The following CREB1 variants were observed in gnomAD, a reference collection of about 807,000 sequenced individuals.
CREB1 encodes the protein cAMP responsive element binding protein 1.
A neutral mutation model predicts 42.0 loss-of-function variants in CREB1; 2 were observed. The ratio of observed to expected loss-of-function variants is 0.05; its 90% CI spans 0.02 to 0.15. The LOEUF is 0.15. Among genes scored for constraint, CREB1 ranks in the 10% least tolerant of loss-of-function variants. The pLI, the probability that CREB1 is intolerant of heterozygous loss-of-function variation, is 1.00. For missense variants in CREB1, 199 were observed against 388.9 expected, an observed-to-expected ratio of 0.51 and a Z score of 4.11; for synonymous variants, 123 against 139.9, an observed-to-expected ratio of 0.88 and a Z score of 0.85.
intron 7 of CREB1, among the ~76,000 whole-genome samples, chr2:207,593,719 CTTTTTT>C (rs5838079): frequency 2.9e-5 from 3 of 102,676 alleles, no homozygotes; most frequent in Admixed American, 1.0e-4. Context: ...TCCTCACAAA[CTTTTTT>C]TTTTTTTTTT....
intron 3 of CREB1, 38 bp downstream of exon 3, chr2:207,560,410 T>A: frequency 6.3e-7 from 1 of 1,591,682 alleles, no homozygotes; most frequent in Non-Finnish European, 8.6e-7. Context: ...TTTTAATAAC[T>A]TTTGTTTATA....
rs1322348701 is a variant in CREB1, at chr2:207,600,711, T to TGAA, written c.*3654_*3656dup. The TGAA allele has an allele frequency of 4.7e-6, 1 of 211,846 alleles. No individual in the cohort carries two copies. Among genetic ancestry groups the TGAA allele is most frequent in the Non-Finnish European group, 9.6e-6 (1 of 104,602 alleles). The allele number at this position is 211,846 out of a possible 1,614,324, so 13.1% of individuals were successfully genotyped here. On this transcript the variant is annotated 3_prime_UTR_variant, in exon 8 of 8. Coordinates refer to ENST00000353267, the MANE Select transcript of CREB1 (RefSeq NM_004379.5). ...GTAGGTCAGCAGCAGTGCTAGTCTC[T>TGAA]GAAAGCACAATACCAGTCAGGCAGC...
Position 207,570,042 on chromosome 2 carries a change from A to AC in CREB1, c.363-137_363-136insC, listed in dbSNP as rs2106540926. 2.7e-4 allele frequency: 80 copies of AC among 292,636 alleles called. No homozygotes were observed. In the East Asian group the frequency reaches 6.5e-3, roughly 24 times the overall value. 18.1% of individuals were successfully genotyped at this position (292,636 alleles called of 1,614,324 possible). On this transcript the variant is annotated intron_variant, in intron 4 of 7. Coordinates refer to ENST00000353267, the MANE Select transcript of CREB1 (RefSeq NM_004379.5). ...GGCGACAGAGCAAGACTCCATCTCA[A>AC]AAAAAAAAAAAAAAAAAAAACCTTC...
In CREB1 at chr2:207,598,486, TAA is replaced by T. The variant is rs143222694; in HGVS notation, c.*1443_*1444del. 128,359 of 169,002 alleles carry T rather than the reference TAA, an allele frequency of 0.76. 47,479 individuals carry two copies. The highest frequency in any genetic ancestry group is 0.9 in the South Asian group (4,372 of 4,850). 10.5% of individuals were successfully genotyped at this position (169,002 alleles called of 1,614,324 possible). Reference sequence around the variant, plus strand: ...GCTCGATAAATCTAACAGTTACTCTTAAAAAAAAAAAAAAAAGACTAAGGTGG... The same window carrying T: ...GCTCGATAAATCTAACAGTTACTCTTAAAAAAAAAAAAAAGACTAAGGTGG... On this transcript the variant is annotated 3_prime_UTR_variant, in exon 8 of 8. Transcript: ENST00000353267.
At chr2:207,581,709 G>A in intron 7 of CREB1, 1 of 594,340 alleles carries the variant, frequency 1.7e-6, no homozygotes, top group Non-Finnish European at 3.0e-6. Flanking sequence ...TACATAACCA[G>A]GGTACATTTA....
At chr2:207,595,747 T>C (rs1271267190) in intron 7 of CREB1, among the ~76,000 whole-genome samples, 2 of 152,110 alleles carry the variant, frequency 1.3e-5, no homozygotes, top group African/African-American at 2.4e-5. Context: ...TAAAAATTTT[T>C]TTTTAGAGAC....
chr2:207,558,117 T>C (rs757034248), intron 2 of CREB1, among the ~76,000 whole-genome samples: 14 of 152,210 alleles, frequency 9.2e-5, no homozygotes, highest in Non-Finnish European at 2.1e-4. Context: ...GCAAGATTTA[T>C]AGTGGCCAGA....
At position 207,582,095 on chromosome 2, in the gene CREB1, T is replaced by G. The variant is rs527808651; in HGVS notation, c.839+4440T>G. 89 of 702,828 alleles carry G rather than the reference T, an allele frequency of 1.3e-4. No homozygotes were observed. The African/African-American group carries it at 1.4e-3, about 11-fold the overall frequency. 43.5% of individuals were successfully genotyped at this position (702,828 alleles called of 1,614,324 possible). On this transcript the variant is annotated intron_variant, in intron 7 of 7. Coordinates refer to ENST00000353267, the MANE Select transcript of CREB1 (RefSeq NM_004379.5). ...TAAAGTGCTGTCCAGGTGTCTCCACTGTTGAGCTACCATTTTTCTCTTTGT... is the reference window on the plus strand; with the variant it reads ...TAAAGTGCTGTCCAGGTGTCTCCACGGTTGAGCTACCATTTTTCTCTTTGT...
Position 207,570,287 on chromosome 2 carries a change from A to C in CREB1, c.471A>C (p.Pro157=). 6.2e-7 allele frequency: 1 copy of C among 1,613,260 alleles called. No homozygotes were observed. Among genetic ancestry groups the C allele is most frequent in the African/African-American group, 1.3e-5 (1 of 75,026 alleles). ...CTGCCATCACCACTGTAACGGTGCCAACTCCAATTTACCAAACTAGCAGTG... is the reference window on the plus strand; with the variant it reads ...CTGCCATCACCACTGTAACGGTGCCCACTCCAATTTACCAAACTAGCAGTG... ...SAPAITTVTV[P]TPIYQTSSGQ... is the part of the protein sequence containing the mutation. The change falls in exon 5 of 8, where the codon CCA becomes CCC. Residue 157 remains proline, a synonymous_variant. Transcript: ENST00000353267.
chr2:207,564,427 T>C (rs1310953391), intron 3 of CREB1, among the ~76,000 whole-genome samples: 1 of 151,986 alleles, frequency 6.6e-6, no homozygotes, highest in Non-Finnish European at 1.5e-5. Context: ...GAGGATCCCT[T>C]GAGCCCATGA....
Position 207,604,726 on chromosome 2 carries a change from G to T in CREB1, c.*7668G>T, listed in dbSNP as rs1444498586. On this transcript the variant is annotated 3_prime_UTR_variant, in exon 8 of 8. Coordinates refer to ENST00000353267, the MANE Select transcript of CREB1 (RefSeq NM_004379.5). ...CTCATCACTCCAAAAGTAAAGTCCC[G>T]TTACTCTCCATTTTCTCCTCCCACC... is the stretch of plus-strand genomic sequence containing the variant. Among the ~76,000 whole-genome samples the T allele has an allele frequency of 6.6e-6, 1 of 152,062 alleles. No individual in the cohort carries two copies. Among genetic ancestry groups the T allele is most frequent in the African/African-American group, 2.4e-5 (1 of 41,416 alleles).
intron 2 of CREB1, 93 bp from the exon 3 acceptor site, chr2:207,560,133 C>T (rs1352611798): frequency 1.1e-5 from 13 of 1,184,830 alleles, no homozygotes; most frequent in Admixed American, 1.0e-4. Flanking sequence ...AAAAAGGTCA[C>T]GTTTTTGCTT....
At chr2:207,540,741 A>G (rs544400716) in intron 1 of CREB1, among the ~76,000 whole-genome samples, 1 of 149,616 alleles carries the variant, frequency 6.7e-6, no homozygotes, top group South Asian at 2.1e-4. Flanking sequence ...TTATTACTAA[A>G]TTTGCTTTCA....
intron 1 of CREB1, among the ~76,000 whole-genome samples, chr2:207,540,669 TAAAAAA>T (rs35714520): frequency 7.8e-4 from 50 of 64,252 alleles, no homozygotes; most frequent in Non-Finnish European, 1.1e-3. Context: ...GTTTAAAAAG[TAAAAAA>T]AAAAAAAAAA....
At chr2:207,545,748 T>G (rs1339098032) in intron 1 of CREB1, among the ~76,000 whole-genome samples, 7 of 133,148 alleles carry the variant, frequency 5.3e-5, no homozygotes, top group Admixed American at 1.5e-4. Context: ...TTTTTTTTTT[T>G]GTGAGATGGA....
In CREB1 at chr2:207,597,258, C is replaced by T; in HGVS notation, c.*200C>T. 2.0e-6 allele frequency: 1 copy of T among 493,362 alleles called. No homozygotes were observed. The highest frequency in any genetic ancestry group is 4.4e-5 in the Admixed American group (1 of 22,788). 30.6% of individuals were successfully genotyped at this position (493,362 alleles called of 1,614,324 possible). A position where few individuals can be genotyped will look rare whatever the true frequency, so the allele number is the denominator to read the frequency against. On this transcript the variant is annotated 3_prime_UTR_variant, in exon 8 of 8. Coordinates refer to ENST00000353267, the MANE Select transcript of CREB1 (RefSeq NM_004379.5). ...TCCAACACCTGCCTCCACTTCTCCC[C>T]TCAAGAAATTTTCAACGCCAGGAAT...
chr2:207,547,889 A>T (rs544526472), intron 1 of CREB1, among the ~76,000 whole-genome samples: 1 of 152,100 alleles, frequency 6.6e-6, no homozygotes, highest in African/African-American at 2.4e-5. Flanking sequence ...ATATTCTGAG[A>T]TGGCTGTCAA....
chr2:207,530,330 C>T (rs2080539760), intron 1 of CREB1, among the ~76,000 whole-genome samples, 196 bp downstream of exon 1: 5 of 151,118 alleles, frequency 3.3e-5, no homozygotes, highest in Admixed American at 3.3e-4. Context: ...GGACTGGAGC[C>T]AGCGGCGGCC....
At chr2:207,568,850 T>C (rs545469484) in intron 4 of CREB1, among the ~76,000 whole-genome samples, 1 of 152,126 alleles carries the variant, frequency 6.6e-6, no homozygotes, top group Non-Finnish European at 1.5e-5. Context: ...TTTTTTTTTC[T>C]AGTAAGTGAA....
Sources: allele counts gnomAD v4.1 joint callset (sites outside exome capture counted in the v4.1 genomes callset), GRCh38; gene constraint gnomAD v4.1.1; transcripts MANE v1.5; gene names NCBI Gene and HGNC (gene_info 2026-07-23, HGNC 2026-07-21).